MIA2: variants seen among roughly 807,000 people sequenced by gnomAD.
The protein encoded by MIA2 is MIA SH3 domain ER export factor 2.
MIA2 carries 127 observed loss-of-function variants against 167.8 expected under a neutral mutation model. The ratio of observed to expected loss-of-function variants is 0.76; its 90% CI spans 0.66 to 0.88. The LOEUF (loss-of-function observed/expected upper bound fraction) is 0.88, where lower values mean the gene tolerates loss of function less well. Ranked by LOEUF, MIA2 falls within the 40% of genes least tolerant of loss-of-function variation. MIA2 has a pLI of 0.00. For synonymous variants in MIA2, 552 were observed against 541.9 expected, an observed-to-expected ratio of 1.02 and a Z score of -0.26; for missense variants, 1,690 against 1,624.7, an observed-to-expected ratio of 1.04 and a Z score of -0.69.
intron 4 of MIA2, chr14:39,248,350 C>T (rs1172132771): frequency 3.5e-6 from 1 of 284,740 alleles, no homozygotes; most frequent in African/African-American, 2.2e-5. Context: ...TCTAAAGATG[C>T]TCCAAGAAAA....
intron 23 of MIA2, chr14:39,385,771 AG>A: frequency 1.1e-6 from 1 of 870,882 alleles, no homozygotes; most frequent in Non-Finnish European, 2.0e-6. Context: ...ATTTGTTACC[AG>A]GTCATTTAAT....
chr14:39,252,811 C>G lies in MIA2; in HGVS notation c.1631C>G (p.Ser544Cys), dbSNP rs1435368681. ...GAAGAAGTATATTTTGAACCCTCAT[C>G]TTCTAAAGATAGTGATGAAAATTCG... Reference protein sequence around the residue: ...IHEEVYFEPSSSKDSDENSKP... With the variant: ...IHEEVYFEPSCSKDSDENSKP... Residue 544 changes from serine (S) to cysteine (C), a missense_variant, in exon 5 of 29, where the codon TCT (serine) becomes TGT (cysteine). Coordinates refer to ENST00000640607, the MANE Select transcript of MIA2 (RefSeq NM_001329214.4). 7.4e-6 allele frequency: 12 copies of G among 1,613,774 alleles called. No individual in the cohort carries two copies. Among genetic ancestry groups the G allele is most frequent in the Non-Finnish European group, 1.0e-5 (12 of 1,179,870 alleles).
chr14:39,331,202 C>T (rs1447005553), intron 25 of MIA2, among the ~76,000 whole-genome samples: 1 of 152,104 alleles, frequency 6.6e-6, no homozygotes, highest in African/African-American at 2.4e-5. Flanking sequence ...ATCCCTTTAC[C>T]ATTATGTAAT....
chr14:39,267,168 G>C, intron 6 of MIA2: 1 of 1,182,140 alleles, frequency 8.5e-7, no homozygotes, highest in Non-Finnish European at 1.1e-6. Context: ...ACCAAACCGA[G>C]GGGTGGGGTG....
intron 6 of MIA2, chr14:39,265,460 G>C (rs1233939445): frequency 1.9e-6 from 3 of 1,555,470 alleles, no homozygotes; most frequent in Non-Finnish European, 2.6e-6. Flanking sequence ...AACAAATGAG[G>C]TTTGGAATTT....
chr14:39,271,806 A>C (rs1209774789), intron 6 of MIA2, among the ~76,000 whole-genome samples: 3 of 151,798 alleles, frequency 2.0e-5, no homozygotes, highest in Non-Finnish European at 4.4e-5. Context: ...TTCTTGTCTC[A>C]CAACCAAGAA....
chr14:39,284,585 A>G (rs1208163811), intron 9 of MIA2, among the ~76,000 whole-genome samples: 1 of 152,094 alleles, frequency 6.6e-6, no homozygotes, highest in African/African-American at 2.4e-5. Flanking sequence ...GAAGAATGCC[A>G]TTGAGATTTT....
chr14:39,335,380 A>T (rs1031168883), intron 25 of MIA2, among the ~76,000 whole-genome samples: 4 of 152,212 alleles, frequency 2.6e-5, no homozygotes, highest in African/African-American at 9.6e-5. Context: ...TTTTCTTAAC[A>T]TGTTTCTACT....
At chr14:39,384,546 G>T (rs6571932) in intron 23 of MIA2, among the ~76,000 whole-genome samples, 72,206 of 151,912 alleles carry the variant, frequency 0.48, 18,712 homozygotes, top group Non-Finnish European at 0.58. Context: ...ATTTAAACGT[G>T]TACAGCTGAA....
chr14:39,252,903 C>G lies in MIA2; in HGVS notation c.1723C>G (p.Leu575Val), dbSNP rs1469822565. 1.2e-6 allele frequency: 2 copies of G among 1,613,850 alleles called. No homozygotes were observed. The change falls in exon 5 of 29, where the codon CTA (leucine) becomes GTA (valine). Residue 575 changes from leucine (L) to valine (V), a missense_variant. Coordinates refer to ENST00000640607, the MANE Select transcript of MIA2 (RefSeq NM_001329214.4). ...EIDRSVENTL[L>V]NSQMVSTDNS... ...AGACAGATCTGTGGAAAATACCCTG[C>G]TAAATAGTCAGATGGTTTCAACTGA... is the stretch of plus-strand genomic sequence containing the variant.
chr14:39,248,080 T>G lies in MIA2; in HGVS notation c.1506T>G (p.Ile502Met), dbSNP rs779013778. Residue 502 changes from isoleucine (I) to methionine (M), a missense_variant, in exon 4 of 29, where the codon ATT becomes ATG. Coordinates refer to ENST00000640607, the MANE Select transcript of MIA2 (RefSeq NM_001329214.4). ...IENEETGEFSIDNYPTDNTKV... is the reference protein window; with the variant it reads ...IENEETGEFSMDNYPTDNTKV... ...ATGAAGAAACTGGAGAATTTTCCATTGATAATTATCCCACAGATAATACAA... is the reference window on the plus strand; with the variant it reads ...ATGAAGAAACTGGAGAATTTTCCATGGATAATTATCCCACAGATAATACAA... The G allele has an allele frequency of 6.4e-7, 1 of 1,564,754 alleles. No homozygotes were observed. The highest frequency in any genetic ancestry group is 8.6e-7 in the Non-Finnish European group (1 of 1,162,578).
intron 9 of MIA2, among the ~76,000 whole-genome samples, chr14:39,283,611 C>G (rs2059244934): frequency 6.6e-6 from 1 of 152,086 alleles, no homozygotes; most frequent in Non-Finnish European, 1.5e-5. Flanking sequence ...AAACTTGCGT[C>G]CTGGGGGTTT....
At chr14:39,300,061 T>G in intron 14 of MIA2, 75 bp downstream of exon 14, 1 of 1,519,686 alleles carries the variant, frequency 6.6e-7, no homozygotes, top group Non-Finnish European at 8.8e-7. Context: ...AAAGCTAGTT[T>G]TTAGCAACTT....
chr14:39,349,059 G>C, intron 28 of MIA2, 82 bp downstream of exon 28: 3 of 1,483,086 alleles, frequency 2.0e-6, no homozygotes, highest in Non-Finnish European at 2.8e-6. Context: ...TGTTAATGTA[G>C]TAACACAGTG....
chr14:39,336,866 C>T (rs538764940), intron 25 of MIA2, among the ~76,000 whole-genome samples: 2 of 152,326 alleles, frequency 1.3e-5, no homozygotes, highest in South Asian at 4.1e-4. Context: ...CCCTCTCAGC[C>T]TCCCAAGTAA....
At chr14:39,277,696 ATATATATATATATATATATGTGTG>A (rs2058262987) in intron 7 of MIA2, among the ~76,000 whole-genome samples, 1 of 5,978 alleles carries the variant, frequency 1.7e-4, no homozygotes, top group African/African-American at 1.6e-3. Context: ...ATGTGTGTAT[ATATATATATATATATATATGTGTG>A]TATATATATA....
At chr14:39,242,325 T>TTG (rs1491587876) in intron 3 of MIA2, among the ~76,000 whole-genome samples, 31 of 29,532 alleles carry the variant, frequency 1.0e-3, no homozygotes, top group Admixed American at 4.6e-3. Context: ...ACTTATTGCA[T>TTG]TTTTTTTTTT....
chr14:39,344,743 CTTT>C (rs2072839046), intron 25 of MIA2, among the ~76,000 whole-genome samples: 1 of 152,172 alleles, frequency 6.6e-6, no homozygotes, highest in Admixed American at 6.5e-5. Context: ...AATTCACCTT[CTTT>C]GTCGTTCTCC....
intron 25 of MIA2, among the ~76,000 whole-genome samples, chr14:39,334,015 ATTG>A (rs2069622271): frequency 2.0e-5 from 3 of 152,216 alleles, no homozygotes; most frequent in Non-Finnish European, 2.9e-5. Flanking sequence ...AATTTTCAGT[ATTG>A]TTCCAAAATT....
Sources: gnomAD v4.1 joint callset for allele counts (sites outside exome capture counted in the v4.1 genomes callset) on GRCh38, gnomAD v4.1.1 for gene constraint, MANE v1.5 for transcripts, NCBI Gene and HGNC (gene_info 2026-07-23, HGNC 2026-07-21) for gene names.